Variants in ST8SIA2 observed in about 807,000 individuals in gnomAD.
ST8SIA2 encodes ST8 alpha-N-acetyl-neuraminide alpha-2,8-sialyltransferase 2, also known as alpha-2,8-sialyltransferase 8B.
Under a neutral mutation model 37.6 loss-of-function variants are expected in ST8SIA2, and 22 were observed. The observed-to-expected ratio is 0.58, with a 90% confidence interval of 0.42 to 0.83. The LOEUF is 0.83. ST8SIA2 is among the 40% of genes least tolerant of loss of function. The probability of loss-of-function intolerance (pLI) is 0.00; values close to 1 mark genes in which losing one functional copy is unlikely to be tolerated. For synonymous variants in ST8SIA2, 205 were observed against 201.2 expected, an observed-to-expected ratio of 1.02 and a Z score of -0.16; for missense variants, 382 against 484.7, an observed-to-expected ratio of 0.79 and a Z score of 1.99.
intron 1 of ST8SIA2, among the ~76,000 whole-genome samples, chr15:92,396,426 T>C (rs1028307385): frequency 6.6e-6 from 1 of 151,992 alleles, no homozygotes; most frequent in African/African-American, 2.4e-5. Flanking sequence ...CAGCACCTTC[T>C]GTCTGCTTAC....
chr15:92,428,853 A>T (rs1596239080), intron 1 of ST8SIA2, among the ~76,000 whole-genome samples: 1 of 152,242 alleles, frequency 6.6e-6, no homozygotes, highest in Non-Finnish European at 1.5e-5. Context: ...TTATCTGCCT[A>T]TGAAATGGGT....
In ST8SIA2 at chr15:92,464,180, A is replaced by G. The variant is rs762583162; in HGVS notation, c.923A>G (p.Lys308Arg). 4.3e-6 allele frequency: 7 copies of G among 1,613,044 alleles called. No homozygotes were observed. The highest frequency in any genetic ancestry group is 5.9e-6 in the Non-Finnish European group (7 of 1,179,864). Residue 308 changes from lysine to arginine, a missense_variant, in exon 6 of 6, where the codon AAA becomes AGA. Lys to Arg is a conservative substitution (Grantham distance 26, BLOSUM62 2). Coordinates refer to ENST00000268164, the MANE Select transcript of ST8SIA2 (RefSeq NM_006011.4). Reference sequence around the variant, plus strand: ...TATACCCTGGCCACACGTTTCTGCAAACAAATCTACCTCTACGGCTTCTGG... The same window carrying G: ...TATACCCTGGCCACACGTTTCTGCAGACAAATCTACCTCTACGGCTTCTGG... ...LMYTLATRFC[K>R]QIYLYGFWPF...
chr15:92,396,269 C>T (rs2049429550), intron 1 of ST8SIA2, among the ~76,000 whole-genome samples: 1 of 152,176 alleles, frequency 6.6e-6, no homozygotes, highest in Non-Finnish European at 1.5e-5. Context: ...CTTAGGTCAA[C>T]ACTGCATATG....
intron 1 of ST8SIA2, among the ~76,000 whole-genome samples, chr15:92,424,739 G>A (rs2049663185): frequency 6.6e-6 from 1 of 151,894 alleles, no homozygotes. Flanking sequence ...AGCCTCTTGA[G>A]TAGCTGGGAC....
intron 5 of ST8SIA2, among the ~76,000 whole-genome samples, chr15:92,453,900 G>A (rs2049900857): frequency 6.6e-6 from 1 of 151,844 alleles, no homozygotes; most frequent in African/African-American, 2.4e-5. Context: ...TAGGGTTGGG[G>A]GAGGAAGCCA....
chr15:92,451,971 T>C (rs1344746440), intron 5 of ST8SIA2, among the ~76,000 whole-genome samples: 2 of 152,178 alleles, frequency 1.3e-5, no homozygotes, highest in East Asian at 3.8e-4. Flanking sequence ...TATGAAAATA[T>C]TAAGAAAAAC....
At chr15:92,447,310 G>A (rs571775992) in intron 5 of ST8SIA2, among the ~76,000 whole-genome samples, 4 of 152,342 alleles carry the variant, frequency 2.6e-5, no homozygotes, top group Admixed American at 2.0e-4. Context: ...CAGTGCCATA[G>A]TCTGTGATAG....
intron 1 of ST8SIA2, among the ~76,000 whole-genome samples, chr15:92,420,069 G>T (rs2049621451): frequency 6.6e-6 from 1 of 152,160 alleles, no homozygotes; most frequent in South Asian, 2.1e-4. Context: ...GTTTCACCAT[G>T]TTGGCCAGGA....
At chr15:92,406,212 T>A (rs2049506964) in intron 1 of ST8SIA2, among the ~76,000 whole-genome samples, 1 of 152,220 alleles carries the variant, frequency 6.6e-6, no homozygotes. Flanking sequence ...GTTCTCAGAC[T>A]TGAGAGAGCA....
intron 3 of ST8SIA2, among the ~76,000 whole-genome samples, chr15:92,438,060 AG>A (rs2049772085): frequency 6.6e-6 from 1 of 152,148 alleles, no homozygotes; most frequent in Admixed American, 6.5e-5. Context: ...GCCCGCTGTG[AG>A]GAGCTCACTC....
At chr15:92,397,868 C>T (rs1336068294) in intron 1 of ST8SIA2, among the ~76,000 whole-genome samples, 1 of 152,200 alleles carries the variant, frequency 6.6e-6, no homozygotes, top group Non-Finnish European at 1.5e-5. Context: ...AACGGTGGCT[C>T]ACGCCTGTAA....
At chr15:92,426,119 TGAG>T (rs1302168684) in intron 1 of ST8SIA2, among the ~76,000 whole-genome samples, 2 of 152,158 alleles carry the variant, frequency 1.3e-5, no homozygotes, top group African/African-American at 2.4e-5. Flanking sequence ...TTTGACTGTA[TGAG>T]GAGGAGTTCG....
rs559239180 is a variant in ST8SIA2, at chr15:92,407,025, A to C, written c.98+12863A>C. On this transcript the variant is annotated intron_variant, in intron 1 of 5. Transcript: ENST00000268164. Reference sequence around the variant, plus strand: ...AAAAAAAAAGAAAAGAAAAAAAAAAACACTACAAAGAAAAATGAATAATGA... The same window carrying C: ...AAAAAAAAAGAAAAGAAAAAAAAAACCACTACAAAGAAAAATGAATAATGA... Among the ~76,000 whole-genome samples the C allele has an allele frequency of 2.0e-5, 3 of 151,572 alleles. No homozygotes were observed. In the South Asian group the frequency reaches 6.2e-4, roughly 32 times the overall value.
At chr15:92,457,123 G>A (rs1461651860) in intron 5 of ST8SIA2, among the ~76,000 whole-genome samples, 1 of 152,226 alleles carries the variant, frequency 6.6e-6, no homozygotes, top group African/African-American at 2.4e-5. Flanking sequence ...GGACAGGAGA[G>A]CAGGAGCCCG....
rs1355925419 is a variant in ST8SIA2, at chr15:92,402,043, T to C, written c.98+7881T>C. 2.0e-5 allele frequency among the ~76,000 whole-genome samples: 3 copies of C among 152,242 alleles called. 1 individual carries two copies. The highest frequency in any genetic ancestry group is 6.5e-5 in the Admixed American group (1 of 15,292). On this transcript the variant is annotated intron_variant, in intron 1 of 5. Transcript: ENST00000268164. ...TCCTTTGGGATACTAAGATGTCCTT[T>C]CTTTTATGAAAGGGAGTGATGGTAG...
intron 1 of ST8SIA2, among the ~76,000 whole-genome samples, chr15:92,412,937 C>T (rs2049560164): frequency 6.6e-6 from 1 of 152,184 alleles, no homozygotes; most frequent in South Asian, 2.1e-4. Context: ...GGATTACAGG[C>T]GTGAGCCACT....
At chr15:92,409,465 G>A (rs1042945590) in intron 1 of ST8SIA2, among the ~76,000 whole-genome samples, 12 of 152,196 alleles carry the variant, frequency 7.9e-5, no homozygotes, top group Admixed American at 7.2e-4. Flanking sequence ...AATAGGCAGA[G>A]ATTAGCTGCC....
At chr15:92,401,568 G>A (rs1405183767) in intron 1 of ST8SIA2, among the ~76,000 whole-genome samples, 2 of 152,146 alleles carry the variant, frequency 1.3e-5, no homozygotes, top group South Asian at 2.1e-4. Context: ...GTTGGCAGTC[G>A]AGGTTCCTCC....
chr15:92,435,768 A>C (rs1371906923), intron 3 of ST8SIA2, among the ~76,000 whole-genome samples: 1 of 151,950 alleles, frequency 6.6e-6, no homozygotes, highest in African/African-American at 2.4e-5. Flanking sequence ...GTGGCCCTCC[A>C]TCCCCCTCAC....
Sources: gnomAD v4.1 joint callset for allele counts (sites outside exome capture counted in the v4.1 genomes callset) on GRCh38, gnomAD v4.1.1 for gene constraint, MANE v1.5 for transcripts, NCBI Gene and HGNC (gene_info 2026-07-23, HGNC 2026-07-21) for gene names.